Variants in SOS2 observed in about 807,000 individuals in gnomAD.
SOS2 encodes SOS Ras/Rho guanine nucleotide exchange factor 2.
In SOS2, 65 loss-of-function variants were observed where a neutral mutation model predicts 148.2. The observed-to-expected ratio is 0.44, with a 90% CI of 0.36 to 0.54. SOS2 has a LOEUF of 0.54. SOS2 is among the 20% of genes least tolerant of loss of function. The probability of loss-of-function intolerance (pLI) is 0.00; values close to 1 mark genes in which losing one functional copy is unlikely to be tolerated. For missense variants in SOS2, 1,341 were observed against 1,590.2 expected, an observed-to-expected ratio of 0.84 and a Z score of 2.67; for synonymous variants, 539 against 537.1, an observed-to-expected ratio of 1.00 and a Z score of -0.05.
At chr14:50,139,792 A>G (rs1722366884) in intron 17 of SOS2, 150 bp downstream of exon 17, 1 of 482,868 alleles carries the variant, frequency 2.1e-6, no homozygotes, top group South Asian at 4.7e-5. Context: ...CATTTTATAG[A>G]AAATAGAGAG....
chr14:50,220,576 GGA>G (rs1887175476), intron 1 of SOS2, among the ~76,000 whole-genome samples: 1 of 151,870 alleles, frequency 6.6e-6, no homozygotes, highest in African/African-American at 2.4e-5. Context: ...AAATGTATCT[GGA>G]GACCTGGTTC....
chr14:50,202,762 C>T (rs1311135144), intron 2 of SOS2, among the ~76,000 whole-genome samples: 1 of 151,918 alleles, frequency 6.6e-6, no homozygotes, highest in East Asian at 1.9e-4. Context: ...AAAACCCAAA[C>T]AATTGGCAGC....
intron 6 of SOS2, 67 bp downstream of exon 6, chr14:50,182,396 C>T: frequency 1.4e-6 from 2 of 1,412,174 alleles, no homozygotes; most frequent in South Asian, 2.4e-5. Context: ...TGCCAAGACT[C>T]ATCTCTAAGT....
chr14:50,139,696 C>T (rs949755428), intron 17 of SOS2, among the ~76,000 whole-genome samples: 7 of 152,112 alleles, frequency 4.6e-5, no homozygotes, highest in East Asian at 1.9e-4. Context: ...TTCATGAGTG[C>T]GTCCTATGTG....
chr14:50,199,879 A>C lies in SOS2; in HGVS notation c.346-24T>G, dbSNP rs1886430198. ...TCCTGTGAAAAGAATAAATAATTTA[A>C]TTGCAAAATGTAGCACTGTCAAGTA... is the stretch of plus-strand genomic sequence containing the variant. On this transcript the variant is annotated intron_variant, in intron 3 of 22. Transcript: ENST00000216373. 2.0e-6 allele frequency: 3 copies of C among 1,474,508 alleles called. No individual in the cohort carries two copies. The East Asian group carries it at 7.1e-5, about 35-fold the overall frequency. The allele number at this position is 1,474,508 out of a possible 1,614,324, so 91.3% of individuals were successfully genotyped here. A position where few individuals can be genotyped will look rare whatever the true frequency, so the allele number is the denominator to read the frequency against.
At chr14:50,180,035 C>T (rs759819510) in intron 7 of SOS2, among the ~76,000 whole-genome samples, 32 of 151,500 alleles carry the variant, frequency 2.1e-4, no homozygotes, top group Admixed American at 7.9e-4. Flanking sequence ...GACAGAGTCT[C>T]ACTATTCCAC....
Position 50,205,590 on chromosome 14 carries a change from T to C in SOS2, c.88-1181A>G, listed in dbSNP as rs556978268. ...GCCAAACAATGATTAGTCTACGATTTAGACTTTGCCATTTCCTAAGAGATC... is the reference window on the plus strand; with the variant it reads ...GCCAAACAATGATTAGTCTACGATTCAGACTTTGCCATTTCCTAAGAGATC... On this transcript the variant is annotated intron_variant, in intron 1 of 22. Coordinates refer to ENST00000216373, the MANE Select transcript of SOS2 (RefSeq NM_006939.4). 5.9e-5 allele frequency among the ~76,000 whole-genome samples: 9 copies of C among 152,260 alleles called. No individual in the cohort carries two copies. In the South Asian group the frequency reaches 1.9e-3, roughly 32 times the overall value.
chr14:50,204,084 G>A (rs925440226), intron 2 of SOS2, among the ~76,000 whole-genome samples, 200 bp downstream of exon 2: 1 of 150,676 alleles, frequency 6.6e-6, no homozygotes, highest in African/African-American at 2.4e-5. Flanking sequence ...GTACCCAGTT[G>A]TTCTAAGTTT....
intron 5 of SOS2, among the ~76,000 whole-genome samples, chr14:50,184,317 C>G (rs1157290212): frequency 3.3e-5 from 5 of 152,130 alleles, no homozygotes; most frequent in Non-Finnish European, 7.3e-5. Context: ...CCTGACAGAC[C>G]TGAGCTTGGA....
intron 21 of SOS2, among the ~76,000 whole-genome samples, chr14:50,126,235 A>G (rs1883676072): frequency 6.6e-6 from 1 of 152,192 alleles, no homozygotes. Context: ...TTTTTCAAAA[A>G]TACTGTAATT....
rs189225424 is a variant in SOS2 at position 50,129,680 on chromosome 14, C to T, written c.3379+281G>A. ...GATTACAGGCGTGAGCCACCACACC[C>T]GGCTAGGTGTTCTATACAGTTATTT... On this transcript the variant is annotated intron_variant, in intron 21 of 22. Transcript: ENST00000216373. 2.6e-4 allele frequency among the ~76,000 whole-genome samples: 39 copies of T among 152,304 alleles called. No homozygotes were observed. The East Asian group carries it at 5.2e-3, about 20-fold the overall frequency.
chr14:50,215,478 C>A, intron 1 of SOS2: 2 of 1,241,148 alleles, frequency 1.6e-6, no homozygotes, highest in South Asian at 1.4e-5. Context: ...AACCAATTTG[C>A]CTATCATATT....
At chr14:50,159,366 G>T in intron 10 of SOS2, 65 bp downstream of exon 10, 4 of 1,025,510 alleles carry the variant, frequency 3.9e-6, no homozygotes, top group South Asian at 2.1e-5. Context: ...AAATATTTTT[G>T]AGCATCCTTA....
chr14:50,117,276 A>C lies in SOS2; in HGVS notation c.*1068T>G, dbSNP rs1426757084. ...TACAGCACTATCAGCAAAACACTCT[A>C]TCACTTTGAACGAAGGCATCCAAAT... On this transcript the variant is annotated 3_prime_UTR_variant, in exon 23 of 23. Coordinates refer to ENST00000216373, the MANE Select transcript of SOS2 (RefSeq NM_006939.4). 1 of 150,080 alleles carries C rather than the reference A, an allele frequency of 6.7e-6. No individual in the cohort carries two copies. The highest frequency in any genetic ancestry group is 1.5e-5 in the Non-Finnish European group (1 of 68,010). The allele number at this position is 150,080 out of a possible 1,614,324, so 9.3% of individuals were successfully genotyped here. A position where few individuals can be genotyped will look rare whatever the true frequency, so the allele number is the denominator to read the frequency against.
chr14:50,122,591 T>A (rs1411761919), intron 21 of SOS2, among the ~76,000 whole-genome samples: 1 of 152,062 alleles, frequency 6.6e-6, no homozygotes, highest in Non-Finnish European at 1.5e-5. Flanking sequence ...CGCACACTCA[T>A]GGAAGCAGAT....
intron 1 of SOS2, among the ~76,000 whole-genome samples, chr14:50,222,998 A>G (rs1227324367): frequency 2.7e-4 from 41 of 152,220 alleles, no homozygotes; most frequent in Admixed American, 2.7e-3. Context: ...TCCAGGTGGT[A>G]AAAGTCAAAA....
chr14:50,139,968 ATTGAC>A lies in SOS2; in HGVS notation c.2754_2758del (p.Lys918AsnfsTer24). The A allele has an allele frequency of 2.5e-6, 4 of 1,588,806 alleles. No homozygotes were observed. The highest frequency in any genetic ancestry group is 3.5e-6 in the Non-Finnish European group (4 of 1,158,280). On this transcript the variant is annotated frameshift_variant, in exon 17 of 23. Transcript: ENST00000216373. LOFTEE classifies it high-confidence loss of function. ...AAAAAAAGGCACACAAGGTGGATTG[ATTGAC>A]TTAAGTTTTACTAGGTATTTTTTAA...
intron 14 of SOS2, among the ~76,000 whole-genome samples, chr14:50,149,564 T>A (rs1360557089): frequency 2.0e-5 from 3 of 152,112 alleles, no homozygotes; most frequent in Non-Finnish European, 4.4e-5. Context: ...ATGATAATGA[T>A]AGTGACATTT....
At position 50,118,095 on chromosome 14, in the gene SOS2, ATTC is replaced by A; in HGVS notation, c.*246_*248del. ...TGCAGAGTTTACAGTGCAAATATAA[ATTC>A]TTTATACTGGCCTTTTGGCAGCACT... On this transcript the variant is annotated 3_prime_UTR_variant, in exon 23 of 23. Transcript: ENST00000216373. 2.4e-6 allele frequency: 1 copy of A among 423,444 alleles called. No individual in the cohort carries two copies. 26.2% of individuals were successfully genotyped at this position (423,444 alleles called of 1,614,324 possible).
Sources: gnomAD v4.1 joint callset for allele counts (sites outside exome capture counted in the v4.1 genomes callset) on GRCh38, gnomAD v4.1.1 for gene constraint, MANE v1.5 for transcripts, NCBI Gene and HGNC (gene_info 2026-07-23, HGNC 2026-07-21) for gene names.